Variants in CYP3A7 observed in about 807,000 individuals in gnomAD.
CYP3A7 encodes cytochrome P450 family 3 subfamily A member 7.
A neutral mutation model predicts 55.2 loss-of-function variants in CYP3A7; 45 were observed. The ratio of observed to expected loss-of-function variants is 0.82; its 90% CI spans 0.64 to 1.05. The LOEUF (loss-of-function observed/expected upper bound fraction) is 1.05. Ranked by LOEUF, CYP3A7 falls within the 50% of genes least tolerant of loss-of-function variation. The probability of loss-of-function intolerance (pLI) is 0.00; values close to 1 mark genes in which losing one functional copy is unlikely to be tolerated. For missense variants in CYP3A7, 548 were observed against 605.3 expected (o/e 0.91, Z 0.99); for synonymous variants, 180 against 207.4 (o/e 0.87, Z 1.13).
In CYP3A7 at chr7:99,717,344, G is replaced by A. The variant is rs1048478878; in HGVS notation, c.433-79C>T. ...GAAGGACATGACTTTGCCTGGCATGGAACAATAAGTGACATTGTATAATGA... is the reference window on the plus strand; with the variant it reads ...GAAGGACATGACTTTGCCTGGCATGAAACAATAAGTGACATTGTATAATGA... On this transcript the variant is annotated intron_variant, in intron 5 of 12. Transcript: ENST00000336374. 6.2e-6 allele frequency: 10 copies of A among 1,608,384 alleles called. No homozygotes were observed. In the Admixed American group the frequency reaches 1.3e-4, roughly 21 times the overall value.
rs1814586083 is a variant in CYP3A7, at chr7:99,730,882, G to A, written c.165+177C>T. The A allele has an allele frequency of 9.2e-6, 7 of 764,392 alleles. No individual in the cohort carries two copies. In the Admixed American group the frequency reaches 1.5e-4, roughly 16 times the overall value. The allele number at this position is 764,392 out of a possible 1,614,324, so 47.4% of individuals were successfully genotyped here. ...CAACTGAGGCAAACTTGAGGTTCCT[G>A]AGAGTTAGCAAGAGAGCCCCAGGGT... is the stretch of plus-strand genomic sequence containing the variant. On this transcript the variant is annotated intron_variant, in intron 2 of 12. Transcript: ENST00000336374.
chr7:99,722,296 C>A lies in CYP3A7; in HGVS notation c.218G>T (p.Gly73Val). The change falls in exon 3 of 13, where the codon GGT becomes GTT. Residue 73 changes from glycine to valine, a missense_variant and splice_region_variant. Coordinates refer to ENST00000336374, the MANE Select transcript of CYP3A7 (RefSeq NM_000765.5). The stretch of plus-strand genomic sequence containing the variant: ...CAATGGAATCTTCCAGAATACTCAC[C>A]CCCAGACTTTTCTATACTTTTTATA... ...ECYKKYRKVWGIYDCQQPMLA... is the reference protein window; with the variant it reads ...ECYKKYRKVWVIYDCQQPMLA... 6.2e-7 allele frequency: 1 copy of A among 1,613,608 alleles called. No individual in the cohort carries two copies. Among genetic ancestry groups the A allele is most frequent in the Non-Finnish European group, 8.5e-7 (1 of 1,179,668 alleles).
intron 8 of CYP3A7, among the ~76,000 whole-genome samples, chr7:99,714,146 A>T (rs1813850545): frequency 6.6e-6 from 1 of 152,212 alleles, no homozygotes; most frequent in African/African-American, 2.4e-5. Flanking sequence ...TTGTTGGAGA[A>T]TGTGTAAAAT....
chr7:99,716,850 A>G (rs1813969281), intron 6 of CYP3A7, among the ~76,000 whole-genome samples: 1 of 152,134 alleles, frequency 6.6e-6, no homozygotes, highest in African/African-American at 2.4e-5. Flanking sequence ...CCCTTCCACC[A>G]TCCCATACAC....
intron 10 of CYP3A7, among the ~76,000 whole-genome samples, chr7:99,709,578 G>A (rs1408710901): frequency 6.6e-6 from 1 of 152,030 alleles, no homozygotes; most frequent in East Asian, 1.9e-4. Context: ...ATGACCACTA[G>A]CATCAAATAA....
Position 99,705,154 on chromosome 7 carries a change from TATTAATG to T in CYP3A7, c.*339_*345del, listed in dbSNP as rs1245838144. On this transcript the variant is annotated 3_prime_UTR_variant, in exon 13 of 13. Coordinates refer to ENST00000336374, the MANE Select transcript of CYP3A7 (RefSeq NM_000765.5). Reference sequence around the variant, plus strand: ...GAGCCATCAAAATAATTCCTATTTTTATTAATGATTGTGGTTGAAATTATTGAGAAAT... The same window carrying T: ...GAGCCATCAAAATAATTCCTATTTTTATTGTGGTTGAAATTATTGAGAAAT... 13 of 252,604 alleles carry T rather than the reference TATTAATG, an allele frequency of 5.1e-5. No homozygotes were observed. The East Asian group carries it at 1.2e-3, about 23-fold the overall frequency. 15.6% of individuals were successfully genotyped at this position (252,604 alleles called of 1,614,324 possible).
chr7:99,712,622 G>A (rs927791728), intron 9 of CYP3A7, among the ~76,000 whole-genome samples: 2 of 152,176 alleles, frequency 1.3e-5, no homozygotes, highest in African/African-American at 2.4e-5. Flanking sequence ...TAATCAGTAA[G>A]TAGATAAATA....
chr7:99,735,184 C>G lies in CYP3A7; in HGVS notation c.-91G>C. 6.5e-7 allele frequency: 1 copy of G among 1,527,238 alleles called. No individual in the cohort carries two copies. The highest frequency in any genetic ancestry group is 9.0e-7 in the Non-Finnish European group (1 of 1,108,698). The allele number at this position is 1,527,238 out of a possible 1,614,324, so 94.6% of individuals were successfully genotyped here. ...GGCTGTGTGTGTGGAGCTTTCCTGC[C>G]CTGCACAGCAGTGATTCAGTGAGGC... On this transcript the variant is annotated 5_prime_UTR_variant, in exon 1 of 13. Transcript: ENST00000336374.
chr7:99,734,880 C>G, intron 1 of CYP3A7, 143 bp downstream of exon 1: 1 of 1,301,580 alleles, frequency 7.7e-7, no homozygotes, highest in South Asian at 1.2e-5. Flanking sequence ...CTCAGCATCC[C>G]AAAGTTCTGG....
chr7:99,711,379 T>C (rs1208443619), intron 9 of CYP3A7, among the ~76,000 whole-genome samples: 1 of 152,224 alleles, frequency 6.6e-6, no homozygotes, highest in Non-Finnish European at 1.5e-5. Flanking sequence ...TTCCTTTAGA[T>C]ATGTTTGAGG....
chr7:99,715,280 T>A (rs1325567016), intron 7 of CYP3A7: 2 of 179,220 alleles, frequency 1.1e-5, no homozygotes, highest in Non-Finnish European at 2.4e-5. Flanking sequence ...CAGAGGGAAA[T>A]TTATAGTTGT....
intron 6 of CYP3A7, among the ~76,000 whole-genome samples, chr7:99,716,464 T>G (rs1445420184): frequency 6.6e-6 from 1 of 152,204 alleles, no homozygotes; most frequent in Admixed American, 6.5e-5. Flanking sequence ...TGAGCTGAGG[T>G]TGCCCTGATG....
intron 2 of CYP3A7, among the ~76,000 whole-genome samples, chr7:99,727,900 G>T (rs1445288272): frequency 6.6e-6 from 1 of 152,158 alleles, no homozygotes. Context: ...CATCATTAAT[G>T]CCTCTTTAAT....
chr7:99,713,207 C>T (rs982678414), intron 9 of CYP3A7, among the ~76,000 whole-genome samples: 7 of 152,148 alleles, frequency 4.6e-5, no homozygotes, highest in African/African-American at 1.7e-4. Flanking sequence ...GGCATTTGAT[C>T]TTATGTAGGT....
chr7:99,731,202 A>G (rs1814603420), intron 1 of CYP3A7, 50 bp from the exon 2 acceptor site: 3 of 1,607,568 alleles, frequency 1.9e-6, no homozygotes, highest in Non-Finnish European at 2.6e-6. Context: ...CTTTATAGAT[A>G]TAGGGGCTGG....
At chr7:99,724,620 C>A (rs1420128529) in intron 2 of CYP3A7, among the ~76,000 whole-genome samples, 1 of 152,016 alleles carries the variant, frequency 6.6e-6, no homozygotes, top group Non-Finnish European at 1.5e-5. Context: ...ATCCTCTGCT[C>A]CCCCACCCTA....
intron 2 of CYP3A7, among the ~76,000 whole-genome samples, chr7:99,722,750 T>A (rs1270289162): frequency 1.3e-5 from 2 of 152,214 alleles, no homozygotes; most frequent in Admixed American, 6.5e-5. Flanking sequence ...TGCAGTCTTT[T>A]TTCTCTTTGT....
rs1267361523 is a variant in CYP3A7, at chr7:99,720,302, T to C, written c.318+11A>G. On this transcript the variant is annotated intron_variant, in intron 4 of 12. Transcript: ENST00000336374. ...CAATGAGTATTTTAATTTCAAAAAA[T>C]GGATGCTTACCCTCCGGTTTGTGAA... 3 of 1,612,032 alleles carry C rather than the reference T, an allele frequency of 1.9e-6. No homozygotes were observed. The highest frequency in any genetic ancestry group is 1.7e-6 in the Non-Finnish European group (2 of 1,179,596).
intron 12 of CYP3A7, 37 bp downstream of exon 12, chr7:99,707,775 G>T (rs1813579992): frequency 7.4e-6 from 12 of 1,611,552 alleles, no homozygotes; most frequent in Non-Finnish European, 1.0e-5. Flanking sequence ...TAAAATAATT[G>T]TTAATAAAAC....
Sources: gnomAD v4.1 joint callset for allele counts (sites outside exome capture counted in the v4.1 genomes callset) on GRCh38, gnomAD v4.1.1 for gene constraint, MANE v1.5 for transcripts, NCBI Gene and HGNC (gene_info 2026-07-23, HGNC 2026-07-21) for gene names.